The following NELFE variants were observed in gnomAD, a reference collection of about 807,000 sequenced individuals.
NELFE encodes negative elongation factor complex member E.
A neutral mutation model predicts 55.5 loss-of-function variants in NELFE; 26 were observed. That is an observed-to-expected ratio of 0.47 (90% CI 0.34 to 0.65). The LOEUF (loss-of-function observed/expected upper bound fraction) is 0.65, where lower values mean the gene tolerates loss of function less well. Ranked by LOEUF, NELFE falls within the 30% of genes least tolerant of loss-of-function variation. The probability of loss-of-function intolerance (pLI) is 0.01; values close to 1 mark genes in which losing one functional copy is unlikely to be tolerated. For missense variants in NELFE, 403 were observed against 506.9 expected (o/e 0.80, Z 1.97); for synonymous variants, 162 against 178.0 (o/e 0.91, Z 0.72).
Position 31,952,352 on chromosome 6 carries a change from C to T in NELFE, c.1092G>A (p.Gln364=). 6.2e-7 allele frequency: 1 copy of T among 1,614,190 alleles called. No homozygotes were observed. Among genetic ancestry groups the T allele is most frequent in the Non-Finnish European group, 8.5e-7 (1 of 1,180,034 alleles). The part of the protein sequence containing the change: ...PKGCHRDKRT[Q]IVYSDDVYKE... ...TGTAGACGTCATCACTGTAGACAAT[C>T]TGGGTCCTCTTGTCCCGGTGGCAAC... The change falls in exon 11 of 11, where the codon CAG becomes CAA. Residue 364 remains glutamine (Q), a synonymous_variant. Coordinates refer to ENST00000375429, the MANE Select transcript of NELFE (RefSeq NM_002904.6).
chr6:31,953,793 G>A lies in NELFE; in HGVS notation c.981C>T (p.Val327=). 1 of 1,613,094 alleles carries A rather than the reference G, an allele frequency of 6.2e-7. No individual in the cohort carries two copies. Among genetic ancestry groups the A allele is most frequent in the Non-Finnish European group, 8.5e-7 (1 of 1,180,034 alleles). ...GTQVESVQLK[V]NIARKQPMLD... is the part of the protein sequence containing the mutation. ...GCATGGGCTGTTTTCGGGCTATGTT[G>A]ACTTTGAGCTGTACAGACTCCACCT... The change falls in exon 10 of 11, where the codon GTC becomes GTT. Residue 327 remains valine (V), a synonymous_variant. Transcript: ENST00000375429.
rs370789676 is a variant in NELFE, at chr6:31,953,692, G to C, written c.1045+37C>G. On this transcript the variant is annotated intron_variant, in intron 10 of 10. Transcript: ENST00000375429. ...GGGGGAACCAAAAGGAATGGCCTGT[G>C]GGGGAGAGGATGGGAAAGGAAGAAT... The C allele has an allele frequency of 3.9e-6, 6 of 1,535,318 alleles. No homozygotes were observed. In the East Asian group the frequency reaches 6.7e-5, roughly 17 times the overall value.
At chr6:31,956,546 T>A (rs1361921585) in intron 4 of NELFE, 147 bp downstream of exon 4, 1 of 808,640 alleles carries the variant, frequency 1.2e-6, no homozygotes, top group African/African-American at 1.7e-5. Flanking sequence ...TCAGGAGTCG[T>A]CTAGTTTTTT....
At chr6:31,956,260 G>C (rs1224380221) in intron 4 of NELFE, among the ~76,000 whole-genome samples, 3 of 151,992 alleles carry the variant, frequency 2.0e-5, no homozygotes, top group African/African-American at 7.3e-5. Context: ...ATTTTTAGTA[G>C]AGACGGGGTT....
intron 10 of NELFE, among the ~76,000 whole-genome samples, chr6:31,952,806 A>G (rs1253538719): frequency 6.6e-6 from 1 of 152,180 alleles, no homozygotes; most frequent in African/African-American, 2.4e-5. Context: ...CTCCTTTCCC[A>G]GGAAAATCTA....
chr6:31,957,267 A>G, intron 2 of NELFE: 1 of 609,800 alleles, frequency 1.6e-6, no homozygotes, highest in African/African-American at 1.8e-5. Flanking sequence ...TAACTCAATC[A>G]TGGACTAGAA....
chr6:31,955,363 C>A, intron 4 of NELFE, 70 bp from the exon 5 acceptor site: 1 of 1,059,546 alleles, frequency 9.4e-7, no homozygotes, highest in Non-Finnish European at 1.4e-6. Context: ...AGGTGTTCCT[C>A]TTCCCTCACC....
chr6:31,954,733 CCGGCTGCGGCTT>C lies in NELFE; in HGVS notation c.552_563del (p.Ser185_Arg188del). 1 of 1,613,866 alleles carries C rather than the reference CCGGCTGCGGCTT, an allele frequency of 6.2e-7. No individual in the cohort carries two copies. The highest frequency in any genetic ancestry group is 8.5e-7 in the Non-Finnish European group (1 of 1,180,018). On this transcript the variant is annotated inframe_deletion, in exon 7 of 11. Transcript: ENST00000375429. This position sits in a 1 kb window ranked among gnomAD's most constrained non-coding sequence, Gnocchi z 5.5. The stretch of plus-strand genomic sequence containing the variant: ...CCCGGTTCCTCTCATGGCTGCGGTC[CCGGCTGCGGCTT>C]CGGGGAGGGGAGGCTGAGGAGTGGG...
rs922239756 is a variant in NELFE at position 31,956,675 on chromosome 6, C to A, written c.291+18G>T. ...CTTGGAGGGATGCCCTTTAAACAAT[C>A]TTTCTGCTTGTGCTCACCTTTAACT... On this transcript the variant is annotated intron_variant, in intron 4 of 10. Transcript: ENST00000375429. 4 of 1,585,388 alleles carry A rather than the reference C, an allele frequency of 2.5e-6. No homozygotes were observed. The African/African-American group carries it at 4.0e-5, about 16-fold the overall frequency.
rs955273015 is a variant in NELFE at position 31,954,272 on chromosome 6, T to G, written c.887+26A>C. 6.2e-7 allele frequency: 1 copy of G among 1,608,878 alleles called. No individual in the cohort carries two copies. The highest frequency in any genetic ancestry group is 1.7e-5 in the Admixed American group (1 of 59,230). On this transcript the variant is annotated intron_variant, in intron 8 of 10. Transcript: ENST00000375429. The surrounding 1 kb of genome is among the most constrained non-coding windows in gnomAD (Gnocchi z 5.5). ...CACCCCAGGATTCTCCCAGGACTTC[T>G]CATCATGCCCTGTTGTCATCCTTAC...
rs1391430891 is a variant in NELFE at position 31,954,973 on chromosome 6, T to C, written c.405-81A>G. ...CTGTGGAGACTCAATATTCCCTCTA[T>C]AGCCCAGCTCCTACAGCCCAAACCT... On this transcript the variant is annotated intron_variant, in intron 6 of 10. Coordinates refer to ENST00000375429, the MANE Select transcript of NELFE (RefSeq NM_002904.6). This position sits in a 1 kb window ranked among gnomAD's most constrained non-coding sequence, Gnocchi z 5.5. 14 of 1,612,620 alleles carry C rather than the reference T, an allele frequency of 8.7e-6. No homozygotes were observed. The highest frequency in any genetic ancestry group is 1.1e-5 in the Non-Finnish European group (13 of 1,179,458).
Position 31,954,722 on chromosome 6 carries a change from T to A in NELFE, c.575A>T (p.His192Leu). 6.2e-7 allele frequency: 1 copy of A among 1,613,980 alleles called. No individual in the cohort carries two copies. The highest frequency in any genetic ancestry group is 8.5e-7 in the Non-Finnish European group (1 of 1,179,954). The change falls in exon 7 of 11, where the codon CAT (histidine) becomes CTT (leucine). Residue 192 changes from histidine (H) to leucine (L), a missense_variant. Coordinates refer to ENST00000375429, the MANE Select transcript of NELFE (RefSeq NM_002904.6). This position sits in a 1 kb window ranked among gnomAD's most constrained non-coding sequence, Gnocchi z 5.5. ...TCGGTCTCTGTCCCGGTTCCTCTCA[T>A]GGCTGCGGTCCCGGCTGCGGCTTCG... ...PPRSRSRDRSHERNRDRDRDR... is the reference protein window; with the variant it reads ...PPRSRSRDRSLERNRDRDRDR...
At position 31,956,841 on chromosome 6, in the gene NELFE, G is replaced by A. The variant is rs1231858649; in HGVS notation, c.146-3C>T. On this transcript the variant is annotated splice_polypyrimidine_tract_variant and splice_region_variant and intron_variant, in intron 3 of 10. Transcript: ENST00000375429. ...CATGACAGGCTGCTCTGATAGTGCT[G>A]GAGAGACAAGGGGAAGAGGCATTAT... 1 of 1,612,868 alleles carries A rather than the reference G, an allele frequency of 6.2e-7. No individual in the cohort carries two copies. Among genetic ancestry groups the A allele is most frequent in the African/African-American group, 1.3e-5 (1 of 74,866 alleles).
At chr6:31,953,600 C>T (rs1771889928) in intron 10 of NELFE, 129 bp downstream of exon 10, 1 of 772,814 alleles carries the variant, frequency 1.3e-6, no homozygotes, top group East Asian at 2.5e-5. Context: ...TGAAATTTTC[C>T]TTCCCATTCC....
chr6:31,954,818 T>G lies in NELFE; in HGVS notation c.479A>C (p.Asp160Ala). ...CCAGTCAAAGCTTCGAGGGGGACCA[T>G]CACCAGCCCCTGGGCCCTCTGCCTC... Reference protein sequence around the residue: ...GEEAEGPGAGDGPPRSFDWGY... With the variant: ...GEEAEGPGAGAGPPRSFDWGY... Residue 160 changes from aspartate to alanine, a missense_variant, in exon 7 of 11, where the codon GAT becomes GCT. Physicochemically the swap from Asp to Ala is moderately radical, Grantham distance 126 (BLOSUM62 -2). This residue lies in a region of NELFE where 229 missense variants were observed against 228.3 expected (regional missense o/e 1.00). Coordinates refer to ENST00000375429, the MANE Select transcript of NELFE (RefSeq NM_002904.6). The surrounding 1 kb of genome is among the most constrained non-coding windows in gnomAD (Gnocchi z 5.5). The G allele has an allele frequency of 1.3e-6, 2 of 1,599,930 alleles. No homozygotes were observed. The highest frequency in any genetic ancestry group is 1.7e-6 in the Non-Finnish European group (2 of 1,174,112).
rs1259416660 is a variant in NELFE at position 31,952,322 on chromosome 6, T to TTCCTTGTAGACGTCATCACTGTAGACAA, written c.1094_1121dup (p.Glu374AspfsTer5). On this transcript the variant is annotated stop_gained and frameshift_variant, in exon 11 of 11. Coordinates refer to ENST00000375429, the MANE Select transcript of NELFE (RefSeq NM_002904.6). LOFTEE classifies it high-confidence loss of function. ...TTCCCTAGAAGCCATCCACAAGGTT[T>TTCCTTGTAGACGTCATCACTGTAGACAA]TCCTTGTAGACGTCATCACTGTAGA... 6.2e-7 allele frequency: 1 copy of TTCCTTGTAGACGTCATCACTGTAGACAA among 1,613,792 alleles called. No individual in the cohort carries two copies.
intron 4 of NELFE, among the ~76,000 whole-genome samples, chr6:31,956,421 T>A (rs1322698317): frequency 6.6e-6 from 1 of 152,228 alleles, no homozygotes; most frequent in African/African-American, 2.4e-5. Flanking sequence ...TCAGTTTATT[T>A]GAACCTCTCT....
chr6:31,958,385 T>C lies in NELFE; in HGVS notation c.62A>G (p.Lys21Arg). 6.2e-7 allele frequency: 1 copy of C among 1,613,094 alleles called. No homozygotes were observed. Among genetic ancestry groups the C allele is most frequent in the Non-Finnish European group, 8.5e-7 (1 of 1,180,016 alleles). Reference protein sequence around the residue: ...EEEALQKKFNKLKKKKKALLA... With the variant: ...EEEALQKKFNRLKKKKKALLA... ...ACAGTCCCTCACCTTTTTCTTGAGC[T>C]TGTTGAATTTCTTCTGCAGAGCCTC... is the stretch of plus-strand genomic sequence containing the variant. The change falls in exon 2 of 11, where the codon AAG (lysine) becomes AGG (arginine). Residue 21 changes from lysine (K) to arginine (R), a missense_variant. By Grantham distance (26) the Lys-to-Arg change is conservative. Coordinates refer to ENST00000375429, the MANE Select transcript of NELFE (RefSeq NM_002904.6).
In NELFE at chr6:31,956,954, A is replaced by C. The variant is rs1339844081; in HGVS notation, c.132T>G (p.Gly44=). The C allele has an allele frequency of 6.2e-7, 1 of 1,607,302 alleles. No homozygotes were observed. The highest frequency in any genetic ancestry group is 8.5e-7 in the Non-Finnish European group (1 of 1,175,108). Residue 44 remains glycine, a synonymous_variant, in exon 3 of 11, where the codon GGT becomes GGG. Coordinates refer to ENST00000375429, the MANE Select transcript of NELFE (RefSeq NM_002904.6). ...CCTGTCACTCACAGCGTTTGACACC[A>C]CCTTGGCTGGTTGTGCTGCTGCTAC... ...KQSSSSTTSQ[G]GVKRSLSEQP...
Sources: allele counts gnomAD v4.1 joint callset (sites outside exome capture counted in the v4.1 genomes callset), GRCh38; gene constraint gnomAD v4.1.1; regional missense constraint gnomAD v4.1.1; non-coding constraint Gnocchi (gnomAD v3.1); transcripts MANE v1.5; gene names NCBI Gene and HGNC (gene_info 2026-07-23, HGNC 2026-07-21).